SLC24A2: variants seen among roughly 807,000 people sequenced by gnomAD.
The protein encoded by SLC24A2 is sodium/potassium/calcium exchanger 2.
SLC24A2 carries 36 observed loss-of-function variants against 62.0 expected under a neutral mutation model. The ratio of observed to expected loss-of-function variants is 0.58; its 90% CI spans 0.44 to 0.77. The LOEUF (loss-of-function observed/expected upper bound fraction) is 0.77, where lower values mean the gene tolerates loss of function less well. SLC24A2 is among the 30% of genes least tolerant of loss of function. The pLI is 0.00. For missense variants in SLC24A2, 846 were observed against 817.9 expected (o/e 1.03, Z -0.42); for synonymous variants, 358 against 294.0 (o/e 1.22, Z -2.23).
the SLC24A2 span, among the ~76,000 whole-genome samples, chr9:20,034,103 A>T: frequency 6.6e-5 from 10 of 152,172 alleles, no homozygotes; most frequent in African/African-American, 2.4e-4. Context: ...TTTGCCAAAG[A>T]TCTAAAAAGG....
At chr9:19,866,786 G>A in the SLC24A2 span, among the ~76,000 whole-genome samples, 2 of 151,772 alleles carry the variant, frequency 1.3e-5, no homozygotes, top group African/African-American at 2.4e-5. Flanking sequence ...ACAGGCGCCC[G>A]CCACCACGCC....
chr9:20,087,137 G>A, the SLC24A2 span, among the ~76,000 whole-genome samples: 1 of 152,214 alleles, frequency 6.6e-6, no homozygotes, highest in African/African-American at 2.4e-5. Context: ...CCTCATGCTA[G>A]TCTGAGGATT....
At chr9:19,931,925 T>G in the SLC24A2 span, among the ~76,000 whole-genome samples, 2 of 152,028 alleles carry the variant, frequency 1.3e-5, no homozygotes, top group Admixed American at 1.3e-4. Flanking sequence ...TTTTATTTAT[T>G]ATTATTATTA....
chr9:19,922,775 T>C, the SLC24A2 span, among the ~76,000 whole-genome samples: 1 of 152,192 alleles, frequency 6.6e-6, no homozygotes, highest in South Asian at 2.1e-4. Context: ...CTCCTTGAGA[T>C]CTGGATATTG....
At chr9:19,684,739 G>C (rs183798590) in intron 2 of SLC24A2, among the ~76,000 whole-genome samples, 1 of 152,060 alleles carries the variant, frequency 6.6e-6, no homozygotes, top group East Asian at 1.9e-4. Context: ...GCATTGCAGA[G>C]GTGAGTTCAT....
At chr9:19,739,732 A>G (rs938896474) in intron 2 of SLC24A2, among the ~76,000 whole-genome samples, 2 of 152,224 alleles carry the variant, frequency 1.3e-5, no homozygotes, top group African/African-American at 2.4e-5. Flanking sequence ...ACACAGGTGA[A>G]TATCTTTATG....
the SLC24A2 span, among the ~76,000 whole-genome samples, chr9:20,300,766 G>T: frequency 3.6e-3 from 543 of 152,230 alleles, 2 homozygotes; most frequent in Middle Eastern, 0.017. Context: ...CCTTCACAGA[G>T]GTCTGGAACT....
the SLC24A2 span, among the ~76,000 whole-genome samples, chr9:20,032,865 T>C: frequency 1.3e-5 from 2 of 152,116 alleles, no homozygotes; most frequent in African/African-American, 4.8e-5. Context: ...ACACAGTGTA[T>C]TGCAAGCTGA....
the SLC24A2 span, among the ~76,000 whole-genome samples, chr9:20,124,322 T>G: frequency 6.6e-6 from 1 of 151,368 alleles, no homozygotes; most frequent in Non-Finnish European, 1.5e-5. Context: ...AAAAAAAGAA[T>G]CTGATTCTGT....
At chr9:19,819,009 A>G in the SLC24A2 span, among the ~76,000 whole-genome samples, 1 of 144,620 alleles carries the variant, frequency 6.9e-6, no homozygotes, top group African/African-American at 2.5e-5. Context: ...CACATAGACC[A>G]GTGGAATAGA....
intron 2 of SLC24A2, among the ~76,000 whole-genome samples, chr9:19,750,788 A>G (rs968776864): frequency 6.6e-6 from 1 of 152,036 alleles, no homozygotes; most frequent in Non-Finnish European, 1.5e-5. Flanking sequence ...CTTTCCCCCA[A>G]CAACAGATGG....
intron 7 of SLC24A2, 142 bp downstream of exon 7, chr9:19,573,209 A>G: frequency 1.6e-6 from 1 of 632,490 alleles, no homozygotes; most frequent in Admixed American, 2.4e-5. Context: ...ACTGGGAAAT[A>G]CACACAAGGA....
At chr9:20,187,912 C>T in the SLC24A2 span, among the ~76,000 whole-genome samples, 1 of 152,180 alleles carries the variant, frequency 6.6e-6, no homozygotes, top group South Asian at 2.1e-4. Flanking sequence ...CCACATGATT[C>T]CTCCGCTCAT....
At chr9:19,730,966 T>A (rs1275153009) in intron 2 of SLC24A2, among the ~76,000 whole-genome samples, 1 of 152,118 alleles carries the variant, frequency 6.6e-6, no homozygotes, top group African/African-American at 2.4e-5. Flanking sequence ...CTTAAAACTG[T>A]CACACTTTTC....
At chr9:20,261,221 A>T in the SLC24A2 span, among the ~76,000 whole-genome samples, 1 of 152,166 alleles carries the variant, frequency 6.6e-6, no homozygotes, top group African/African-American at 2.4e-5. Flanking sequence ...CTGAGAACAT[A>T]CAATGTCTGG....
chr9:19,895,070 A>G, the SLC24A2 span, among the ~76,000 whole-genome samples: 7 of 152,316 alleles, frequency 4.6e-5, no homozygotes, highest in East Asian at 3.9e-4. Flanking sequence ...TTTTAACTCT[A>G]TAAAGAAGTA....
chr9:19,624,493 G>A (rs978843639), intron 2 of SLC24A2, among the ~76,000 whole-genome samples: 7 of 151,960 alleles, frequency 4.6e-5, no homozygotes, highest in South Asian at 2.1e-4. Flanking sequence ...CTACTCTATC[G>A]ACTTCCTTTT....
intron 2 of SLC24A2, among the ~76,000 whole-genome samples, chr9:19,622,652 T>C (rs763910341): frequency 2.0e-5 from 3 of 152,206 alleles, no homozygotes; most frequent in Non-Finnish European, 4.4e-5. Context: ...AAAATATCTA[T>C]TGATAACTGA....
At chr9:19,609,053 C>T (rs779747486) in intron 4 of SLC24A2, among the ~76,000 whole-genome samples, 6 of 152,232 alleles carry the variant, frequency 3.9e-5, no homozygotes, top group Admixed American at 6.5e-5. Context: ...GAAGGCCCTT[C>T]CTCAGGGTTC....
Sources: gnomAD v4.1 joint callset for allele counts (sites outside exome capture counted in the v4.1 genomes callset) on GRCh38, gnomAD v4.1.1 for gene constraint, MANE v1.5 for transcripts, NCBI Gene and HGNC (gene_info 2026-07-23, HGNC 2026-07-21) for gene names.